TAP1: variants seen among roughly 807,000 people sequenced by gnomAD.
TAP1 encodes transporter 1, ATP binding cassette subfamily B member, also known as antigen peptide transporter 1.
Under a neutral mutation model 79.3 loss-of-function variants are expected in TAP1, and 56 were observed. The observed-to-expected ratio is 0.71, with a 90% CI of 0.57 to 0.88. TAP1 has a LOEUF of 0.88. TAP1 is among the 40% of genes least tolerant of loss of function. The probability of loss-of-function intolerance (pLI) is 0.00; values close to 1 mark genes in which losing one functional copy is unlikely to be tolerated. For missense variants in TAP1, 737 were observed against 936.3 expected (o/e 0.79, Z 2.78); for synonymous variants, 355 against 401.4 (o/e 0.88, Z 1.38).
chr6:32,853,228 G>T lies in TAP1; in HGVS notation c.409C>A (p.Pro137Thr), dbSNP rs1231820574. 6.2e-7 allele frequency: 1 copy of T among 1,609,462 alleles called. No homozygotes were observed. ...GCATAACTGACAACGAAGGCGGTAG[G>T]GTGACTTCCCCAGTGCAGTAGCCTG... ...STRLLHWGSH[P>T]TAFVVSYAAA... The change falls in exon 1 of 11, where the codon CCT (proline) becomes ACT (threonine). Residue 137 changes from proline to threonine, a missense_variant. Physicochemically the swap from Pro to Thr is conservative, Grantham distance 38. Coordinates refer to ENST00000354258, the MANE Select transcript of TAP1 (RefSeq NM_000593.6). The surrounding 1 kb of genome is among the most constrained non-coding windows in gnomAD (Gnocchi z 8.3).
In TAP1 at chr6:32,847,504, A is replaced by G. The variant is rs748029740; in HGVS notation, c.1903+9T>C. The G allele has an allele frequency of 6.2e-7, 1 of 1,613,272 alleles. No homozygotes were observed. The highest frequency in any genetic ancestry group is 1.7e-5 in the Admixed American group (1 of 60,020). ...GATGGCTGGGTGGTGAGATGAGTGG[A>G]GAGAGTACCTGTGTCATAGCCCTGA... On this transcript the variant is annotated intron_variant, in intron 9 of 10. Coordinates refer to ENST00000354258, the MANE Select transcript of TAP1 (RefSeq NM_000593.6). This position sits in a 1 kb window ranked among gnomAD's most constrained non-coding sequence, Gnocchi z 4.7.
In TAP1 at chr6:32,847,441, G is replaced by A. The variant is rs975891778; in HGVS notation, c.1903+72C>T. 8.1e-6 allele frequency: 13 copies of A among 1,604,648 alleles called. No homozygotes were observed. The East Asian group carries it at 1.3e-4, about 17-fold the overall frequency. On this transcript the variant is annotated intron_variant, in intron 9 of 10. Coordinates refer to ENST00000354258, the MANE Select transcript of TAP1 (RefSeq NM_000593.6). The surrounding 1 kb of genome is among the most constrained non-coding windows in gnomAD (Gnocchi z 4.7). ...GTCCATGAGTAAGGAGGAACTGAAG[G>A]ATAAAGGCAAGACTACTGGGGTTTC...
rs994527664 is a variant in TAP1, at chr6:32,853,346, C to T, written c.291G>A (p.Lys97=). ...CCAAGCCCAGTGCCGCAGCTAATGG[C>T]TTCAAAGCAGCCAGCCAGCCCTGGG... ...AGAQGWLAAL[K]PLAAALGLAL... The change falls in exon 1 of 11, where the codon AAG becomes AAA. Residue 97 remains lysine, a synonymous_variant. Coordinates refer to ENST00000354258, the MANE Select transcript of TAP1 (RefSeq NM_000593.6). The surrounding 1 kb of genome is among the most constrained non-coding windows in gnomAD (Gnocchi z 8.3). The T allele has an allele frequency of 6.3e-7, 1 of 1,585,482 alleles. No individual in the cohort carries two copies. The highest frequency in any genetic ancestry group is 8.6e-7 in the Non-Finnish European group (1 of 1,165,700).
In TAP1 at chr6:32,853,038, C is replaced by T; in HGVS notation, c.598+1G>A. On this transcript the variant is annotated splice_donor_variant, in intron 1 of 10. Coordinates refer to ENST00000354258, the MANE Select transcript of TAP1 (RefSeq NM_000593.6). LOFTEE classifies it high-confidence loss of function. This position sits in a 1 kb window ranked among gnomAD's most constrained non-coding sequence, Gnocchi z 8.3. ...CCCCTCTTGCCCTGCGTTCCCCTTA[C>T]CAAGAGAGGAGAGGACCACCAGGAC... 6.2e-7 allele frequency: 1 copy of T among 1,611,680 alleles called. No homozygotes were observed. Among genetic ancestry groups the T allele is most frequent in the Non-Finnish European group, 8.5e-7 (1 of 1,179,970 alleles).
In TAP1 at chr6:32,847,330, G is replaced by T; in HGVS notation, c.1904-126C>A. On this transcript the variant is annotated intron_variant, in intron 9 of 10. Coordinates refer to ENST00000354258, the MANE Select transcript of TAP1 (RefSeq NM_000593.6). The surrounding 1 kb of genome is among the most constrained non-coding windows in gnomAD (Gnocchi z 4.7). ...AAGATCTGACGGTTGTAGCTGGATAGGGGAGATTCTGGGAAGATGAACAGA... is the reference window on the plus strand; with the variant it reads ...AAGATCTGACGGTTGTAGCTGGATATGGGAGATTCTGGGAAGATGAACAGA... 2.0e-6 allele frequency: 3 copies of T among 1,518,830 alleles called. No individual in the cohort carries two copies. The highest frequency in any genetic ancestry group is 1.9e-5 in the Admixed American group (1 of 53,886). 94.1% of individuals were successfully genotyped at this position (1,518,830 alleles called of 1,614,324 possible).
rs188939246 is a variant in TAP1 at position 32,852,411 on chromosome 6, G to A, written c.690C>T (p.Leu230=). 1.7e-5 allele frequency: 28 copies of A among 1,613,100 alleles called. No homozygotes were observed. In the Admixed American group the frequency reaches 3.5e-4, roughly 20 times the overall value. Residue 230 remains leucine (L), a synonymous_variant, in exon 2 of 11, where the codon CTC becomes CTT. Coordinates refer to ENST00000354258, the MANE Select transcript of TAP1 (RefSeq NM_000593.6). This position sits in a 1 kb window ranked among gnomAD's most constrained non-coding sequence, Gnocchi z 4.8. ...ACCTGGCTATGGTGAGAATGGACATGAGAGTTAAGTTTCGAGTGAAGGTAT... is the reference window on the plus strand; with the variant it reads ...ACCTGGCTATGGTGAGAATGGACATAAGAGTTAAGTTTCGAGTGAAGGTAT... ...SADTFTRNLT[L]MSILTIASAV...
chr6:32,853,328 C>T lies in TAP1; in HGVS notation c.309G>A (p.Leu103=), dbSNP rs1770924206. Residue 103 remains leucine (L), a synonymous_variant, in exon 1 of 11, where the codon CTG becomes CTA. Transcript: ENST00000354258. The surrounding 1 kb of genome is among the most constrained non-coding windows in gnomAD (Gnocchi z 8.3). ...LAALKPLAAA[L]GLALPGLALF... is the part of the protein sequence containing the mutation. ...AGGCAAGTCCCGGCAGGGCCAAGCC[C>T]AGTGCCGCAGCTAATGGCTTCAAAG... 6.3e-7 allele frequency: 1 copy of T among 1,580,830 alleles called. No homozygotes were observed. Among genetic ancestry groups the T allele is most frequent in the Middle Eastern group, 1.7e-4 (1 of 6,024 alleles).
rs1582620327 is a variant in TAP1, at chr6:32,845,377, C to T, written c.*202G>A. ...AAGCATCAGCCCTGGCTCTAAACTC[C>T]GTTACAGTAAGGAATTACAAATCCT... is the stretch of plus-strand genomic sequence containing the variant. On this transcript the variant is annotated 3_prime_UTR_variant, in exon 11 of 11. Coordinates refer to ENST00000354258, the MANE Select transcript of TAP1 (RefSeq NM_000593.6). The surrounding 1 kb of genome is among the most constrained non-coding windows in gnomAD (Gnocchi z 4.5). 1 of 651,142 alleles carries T rather than the reference C, an allele frequency of 1.5e-6. No homozygotes were observed. Among genetic ancestry groups the T allele is most frequent in the Non-Finnish European group, 2.7e-6 (1 of 364,052 alleles). 40.3% of individuals were successfully genotyped at this position (651,142 alleles called of 1,614,324 possible).
chr6:32,852,438 G>C lies in TAP1; in HGVS notation c.663C>G (p.Ala221=), dbSNP rs2127392755. 1 of 1,613,052 alleles carries C rather than the reference G, an allele frequency of 6.2e-7. No homozygotes were observed. The highest frequency in any genetic ancestry group is 8.5e-7 in the Non-Finnish European group (1 of 1,180,032). Residue 221 remains alanine (A), a synonymous_variant, in exon 2 of 11, where the codon GCC becomes GCG. Transcript: ENST00000354258. The surrounding 1 kb of genome is among the most constrained non-coding windows in gnomAD (Gnocchi z 4.8). The part of the protein sequence containing the change: ...LTDWILQDGS[A]DTFTRNLTLM... ...GAGTTAAGTTTCGAGTGAAGGTATC[G>C]GCTGAGCCATCTTGTAGAATCCAGT...
intron 5 of TAP1, 182 bp from the exon 6 acceptor site, chr6:32,849,300 G>A: frequency 1.4e-6 from 1 of 697,436 alleles, no homozygotes; most frequent in East Asian, 2.7e-5. Context: ...TGCACATCAT[G>A]CAAGTCACAG....
In TAP1 at chr6:32,852,035, AG is replaced by A. The variant is rs1770815319; in HGVS notation, c.844+73del. ...TGTGTGTGAGAGAGAGAGAGCGGGGAGGGGGGAGATCAAAGCAGATGTATGA... is the reference window on the plus strand; with the variant it reads ...TGTGTGTGAGAGAGAGAGAGCGGGGAGGGGGAGATCAAAGCAGATGTATGA... On this transcript the variant is annotated intron_variant, in intron 3 of 10. Coordinates refer to ENST00000354258, the MANE Select transcript of TAP1 (RefSeq NM_000593.6). This position sits in a 1 kb window ranked among gnomAD's most constrained non-coding sequence, Gnocchi z 4.8. The A allele has an allele frequency of 3.1e-6, 5 of 1,590,550 alleles. No homozygotes were observed. The South Asian group carries it at 4.4e-5, about 14-fold the overall frequency.
At position 32,850,270 on chromosome 6, in the gene TAP1, T is replaced by C; in HGVS notation, c.1248+50A>G. On this transcript the variant is annotated intron_variant, in intron 5 of 10. Transcript: ENST00000354258. This position sits in a 1 kb window ranked among gnomAD's most constrained non-coding sequence, Gnocchi z 5.5. ...CAGGGTCATAGGAATGGGAATGGAG[T>C]CACGGCATCTTAAGGACAAGGGAAT... 1.9e-6 allele frequency: 3 copies of C among 1,583,264 alleles called. No homozygotes were observed. Among genetic ancestry groups the C allele is most frequent in the Non-Finnish European group, 2.6e-6 (3 of 1,152,018 alleles).
Position 32,853,017 on chromosome 6 carries a change from T to C in TAP1, c.598+22A>G, listed in dbSNP as rs767755586. Reference sequence around the variant, plus strand: ...GTCCCAGTCCCCTTGTGTCCTCCCCTCTTGCCCTGCGTTCCCCTTACCAAG... The same window carrying C: ...GTCCCAGTCCCCTTGTGTCCTCCCCCCTTGCCCTGCGTTCCCCTTACCAAG... On this transcript the variant is annotated intron_variant, in intron 1 of 10. Transcript: ENST00000354258. The surrounding 1 kb of genome is among the most constrained non-coding windows in gnomAD (Gnocchi z 8.3). The C allele has an allele frequency of 1.9e-6, 3 of 1,606,788 alleles. No homozygotes were observed. The highest frequency in any genetic ancestry group is 1.7e-6 in the Non-Finnish European group (2 of 1,178,918).
chr6:32,852,292 G>A lies in TAP1; in HGVS notation c.714-53C>T. The A allele has an allele frequency of 6.2e-7, 1 of 1,612,916 alleles. No homozygotes were observed. The highest frequency in any genetic ancestry group is 8.5e-7 in the Non-Finnish European group (1 of 1,179,942). ...TCAGGGTGTGTTCAGGGAACAGACT[G>A]AAGGTCCCAGGTATCCCCATATAAG... On this transcript the variant is annotated intron_variant, in intron 2 of 10. Transcript: ENST00000354258. The surrounding 1 kb of genome is among the most constrained non-coding windows in gnomAD (Gnocchi z 4.8).
intron 5 of TAP1, chr6:32,849,608 G>A (rs1048002096): frequency 3.6e-5 from 7 of 195,290 alleles, no homozygotes; most frequent in African/African-American, 9.6e-5. Context: ...AAAATTAGCC[G>A]GGCGTGGTGG....
rs776694767 is a variant in TAP1, at chr6:32,848,994, A to G, written c.1373T>C (p.Val458Ala). ...VLYQMQFTQA[V>A]EVLLSIYPRV... ...GTGAAGGTGGAGGGACCTCACCTCC[A>G]CAGCCTGGGTGAACTGCATCTGGTA... The change falls in exon 6 of 11, where the codon GTG (valine) becomes GCG (alanine). Residue 458 changes from valine (V) to alanine (A), a missense_variant. Val to Ala is a moderately conservative substitution (Grantham distance 64, BLOSUM62 0). This residue lies in a region of TAP1 where 14 missense variants were observed against 42.0 expected (regional missense o/e 0.33). Coordinates refer to ENST00000354258, the MANE Select transcript of TAP1 (RefSeq NM_000593.6). 3 of 1,612,590 alleles carry G rather than the reference A, an allele frequency of 1.9e-6. No individual in the cohort carries two copies. Among genetic ancestry groups the G allele is most frequent in the Non-Finnish European group, 1.7e-6 (2 of 1,179,540 alleles).
Position 32,853,550 on chromosome 6 carries a change from AAGTAGC to A in TAP1, c.81_86del (p.Leu29_Leu30del). 1 of 1,610,574 alleles carries A rather than the reference AAGTAGC, an allele frequency of 6.2e-7. No homozygotes were observed. The highest frequency in any genetic ancestry group is 8.5e-7 in the Non-Finnish European group (1 of 1,178,238). ...TCCGGAGCAGCACCCAGTCGGCGAG[AAGTAGC>A]AGTACTGTCCCCAGCCATGCGAGAG... On this transcript the variant is annotated inframe_deletion, in exon 1 of 11. Transcript: ENST00000354258. The surrounding 1 kb of genome is among the most constrained non-coding windows in gnomAD (Gnocchi z 8.3).
In TAP1 at chr6:32,852,807, G is replaced by A; in HGVS notation, c.598+232C>T. 6.9e-7 allele frequency: 1 copy of A among 1,439,986 alleles called. No individual in the cohort carries two copies. The highest frequency in any genetic ancestry group is 9.0e-7 in the Non-Finnish European group (1 of 1,105,032). The allele number at this position is 1,439,986 out of a possible 1,614,324, so 89.2% of individuals were successfully genotyped here. A position where few individuals can be genotyped will look rare whatever the true frequency, so the allele number is the denominator to read the frequency against. On this transcript the variant is annotated intron_variant, in intron 1 of 10. Transcript: ENST00000354258. The surrounding 1 kb of genome is among the most constrained non-coding windows in gnomAD (Gnocchi z 4.8). ...CAGAGCAAAGGATTTCCCCGCTTCCGGCGTGGCCCAAAGAATCAAGACCCG... is the reference window on the plus strand; with the variant it reads ...CAGAGCAAAGGATTTCCCCGCTTCCAGCGTGGCCCAAAGAATCAAGACCCG...
rs72860329 is a variant in TAP1, at chr6:32,850,728, G to C, written c.1051-211C>G. On this transcript the variant is annotated intron_variant, in intron 4 of 10. Coordinates refer to ENST00000354258, the MANE Select transcript of TAP1 (RefSeq NM_000593.6). The surrounding 1 kb of genome is among the most constrained non-coding windows in gnomAD (Gnocchi z 5.5). ...GTTGGGGATCAAATTCTTAAAGACA[G>C]ATTGTGGGGAGAAGCTAGAAAAGAA... Among the ~76,000 whole-genome samples the C allele has an allele frequency of 0.03, 4,644 of 152,300 alleles. 82 individuals are homozygous for C. Among genetic ancestry groups the C allele is most frequent in the South Asian group, 0.052 (250 of 4,824 alleles).
Sources: gnomAD v4.1 joint callset for allele counts (sites outside exome capture counted in the v4.1 genomes callset) on GRCh38, gnomAD v4.1.1 for gene constraint, gnomAD v4.1.1 regional missense constraint, Gnocchi (gnomAD v3.1) non-coding constraint, MANE v1.5 for transcripts, NCBI Gene and HGNC (gene_info 2026-07-23, HGNC 2026-07-21) for gene names.